ARMH4: variants seen among roughly 807,000 people sequenced by gnomAD.
ARMH4 encodes armadillo-like helical domain-containing protein 4.
A neutral mutation model predicts 61.9 loss-of-function variants in ARMH4; 49 were observed. The ratio of observed to expected loss-of-function variants is 0.79; its 90% CI spans 0.63 to 1.00. The LOEUF (loss-of-function observed/expected upper bound fraction) is 1.00, where lower values mean the gene tolerates loss of function less well. Ranked by LOEUF, ARMH4 falls within the 50% of genes least tolerant of loss-of-function variation. The pLI is 0.00. For synonymous variants in ARMH4, 368 were observed against 341.5 expected (o/e 1.08, Z -0.85); for missense variants, 934 against 930.0 (o/e 1.00, Z -0.06).
chr14:58,005,356 G>C (rs759425159), intron 6 of ARMH4, among the ~76,000 whole-genome samples, 174 bp from the exon 7 acceptor site: 7 of 152,208 alleles, frequency 4.6e-5, no homozygotes, highest in South Asian at 2.1e-4. Context: ...AGGCAACAGA[G>C]AGAGAGACAG....
chr14:58,065,103 G>A (rs190405097), intron 5 of ARMH4, among the ~76,000 whole-genome samples: 226 of 152,266 alleles, frequency 1.5e-3, no homozygotes, highest in African/African-American at 4.8e-3. Flanking sequence ...TTAGCCGGGC[G>A]TGTTGGTGGA....
At chr14:58,092,465 T>C (rs1014224909) in intron 5 of ARMH4, among the ~76,000 whole-genome samples, 4 of 152,232 alleles carry the variant, frequency 2.6e-5, no homozygotes, top group Non-Finnish European at 5.9e-5. Flanking sequence ...CCATTCCCTA[T>C]GGCTGCTATA....
intron 4 of ARMH4, among the ~76,000 whole-genome samples, chr14:58,108,460 C>T (rs1038423528): frequency 2.0e-5 from 3 of 152,162 alleles, no homozygotes; most frequent in Non-Finnish European, 4.4e-5. Context: ...TCTTAACATC[C>T]TTCTTCCCCT....
At chr14:58,113,289 C>T (rs1023351599) in intron 4 of ARMH4, among the ~76,000 whole-genome samples, 1 of 152,200 alleles carries the variant, frequency 6.6e-6, no homozygotes, top group Non-Finnish European at 1.5e-5. Flanking sequence ...CTGCATGTGG[C>T]AATCATCCAT....
At chr14:58,083,181 T>C (rs74532452) in intron 5 of ARMH4, among the ~76,000 whole-genome samples, 1,728 of 152,352 alleles carry the variant, frequency 0.011, 34 homozygotes, top group African/African-American at 0.038. Flanking sequence ...TGCAGACAGA[T>C]ACATTCCCAC....
chr14:58,005,903 G>T (rs1882155233), intron 6 of ARMH4, among the ~76,000 whole-genome samples: 1 of 152,186 alleles, frequency 6.6e-6, no homozygotes, highest in South Asian at 2.1e-4. Flanking sequence ...GTTGGAGGTT[G>T]GGAGGGAATT....
intron 2 of ARMH4, 100 bp from the exon 3 acceptor site, chr14:58,133,441 G>T: frequency 8.8e-7 from 1 of 1,132,214 alleles, no homozygotes; most frequent in Non-Finnish European, 1.2e-6. Flanking sequence ...GGGAGCAGAT[G>T]CTATTTCAGG....
intron 5 of ARMH4, among the ~76,000 whole-genome samples, chr14:58,058,911 T>A (rs1884437154): frequency 6.6e-6 from 1 of 152,208 alleles, no homozygotes; most frequent in Admixed American, 6.5e-5. Context: ...TCCACCATTG[T>A]TTTTCATTGC....
intron 4 of ARMH4, among the ~76,000 whole-genome samples, chr14:58,115,563 C>T (rs1194743970): frequency 6.6e-6 from 1 of 152,144 alleles, no homozygotes; most frequent in Non-Finnish European, 1.5e-5. Context: ...TCAGCAATCC[C>T]ATTTCTGGGT....
At chr14:58,146,476 G>A (rs1887734077) in intron 1 of ARMH4, among the ~76,000 whole-genome samples, 1 of 152,194 alleles carries the variant, frequency 6.6e-6, no homozygotes, top group Non-Finnish European at 1.5e-5. Context: ...ATCTCCTTCA[G>A]AGCAGGTCAG....
chr14:58,151,688 T>G (rs1887926961), intron 1 of ARMH4, among the ~76,000 whole-genome samples: 1 of 152,200 alleles, frequency 6.6e-6, no homozygotes, highest in South Asian at 2.1e-4. Context: ...AACTTCTCTC[T>G]CACTGCTGTG....
intron 5 of ARMH4, among the ~76,000 whole-genome samples, chr14:58,024,146 G>A (rs867981937): frequency 3.9e-5 from 6 of 152,164 alleles, no homozygotes; most frequent in African/African-American, 7.2e-5. Flanking sequence ...AAGCTTTGAA[G>A]CCAGGTACTG....
chr14:58,072,068 G>C (rs962354599), intron 5 of ARMH4, among the ~76,000 whole-genome samples: 4 of 152,096 alleles, frequency 2.6e-5, no homozygotes, highest in African/African-American at 9.7e-5. Context: ...TAATCTTGCT[G>C]TACTATAATT....
At chr14:58,081,719 G>C (rs1885232124) in intron 5 of ARMH4, among the ~76,000 whole-genome samples, 1 of 151,556 alleles carries the variant, frequency 6.6e-6, no homozygotes, top group African/African-American at 2.4e-5. Context: ...AGTTAGCCAG[G>C]ATGGTCTCAA....
chr14:58,141,064 T>TA (rs1027614006), intron 1 of ARMH4, among the ~76,000 whole-genome samples: 8 of 152,158 alleles, frequency 5.3e-5, no homozygotes, highest in Non-Finnish European at 1.2e-4. Flanking sequence ...CTGTAAGAAA[T>TA]AAACTTCTGT....
At chr14:58,063,905 T>TA (rs1884616444) in intron 5 of ARMH4, among the ~76,000 whole-genome samples, 2 of 152,158 alleles carry the variant, frequency 1.3e-5, no homozygotes, top group African/African-American at 4.8e-5. Context: ...CTTAGGCAAT[T>TA]AAAAAATGAG....
chr14:58,088,026 G>A (rs1885435757), intron 5 of ARMH4, among the ~76,000 whole-genome samples: 1 of 152,192 alleles, frequency 6.6e-6, no homozygotes, highest in Non-Finnish European at 1.5e-5. Context: ...TGCGAGAACA[G>A]TTGGGAATGA....
chr14:58,107,763 C>CAAAAAAAAAAAAAAAAAAAAA (rs34507217), intron 4 of ARMH4, among the ~76,000 whole-genome samples: 1 of 97,366 alleles, frequency 1.0e-5, no homozygotes, highest in Non-Finnish European at 2.0e-5. Flanking sequence ...GACTCCATCT[C>CAAAAAAAAAAAAAAAAAAAAA]AAAAAAAAAA....
At chr14:58,029,566 A>G (rs1185161606) in intron 5 of ARMH4, among the ~76,000 whole-genome samples, 1 of 152,186 alleles carries the variant, frequency 6.6e-6, no homozygotes, top group Non-Finnish European at 1.5e-5. Flanking sequence ...CCCACACTGT[A>G]GCATTTATAC....
Sources: gnomAD v4.1 joint callset for allele counts (sites outside exome capture counted in the v4.1 genomes callset) on GRCh38, gnomAD v4.1.1 for gene constraint, MANE v1.5 for transcripts, NCBI Gene and HGNC (gene_info 2026-07-23, HGNC 2026-07-21) for gene names.